Variants in CES5A observed in about 807,000 individuals in gnomAD.
CES5A encodes carboxylesterase 5.
CES5A carries 67 observed loss-of-function variants against 62.9 expected under a neutral mutation model. The observed-to-expected ratio is 1.07, with a 90% CI of 0.88 to 1.31. The LOEUF is 1.31. Among genes scored for constraint, CES5A ranks in the 50% most tolerant of loss-of-function variants. The probability of loss-of-function intolerance (pLI) is 0.00; values close to 1 mark genes in which losing one functional copy is unlikely to be tolerated. For missense variants in CES5A, 748 were observed against 708.5 expected (o/e 1.06, Z -0.63); for synonymous variants, 296 against 280.8 (o/e 1.05, Z -0.54).
intron 9 of CES5A, 53 bp from the exon 10 acceptor site, chr16:55,853,081 C>G: frequency 6.3e-7 from 1 of 1,574,856 alleles, no homozygotes; most frequent in African/African-American, 1.3e-5. Flanking sequence ...ATGGCCAACA[C>G]GTTAAACACT....
At chr16:55,936,410 T>C (rs1336924512) in intron 2 of CES5A, among the ~76,000 whole-genome samples, 1 of 152,234 alleles carries the variant, frequency 6.6e-6, no homozygotes, top group Non-Finnish European at 1.5e-5. Context: ...CCCAGTCAGA[T>C]ACTTCTCCTC....
intron 8 of CES5A, among the ~76,000 whole-genome samples, chr16:55,857,669 C>T (rs1335383200): frequency 6.6e-6 from 1 of 152,210 alleles, no homozygotes; most frequent in Admixed American, 6.5e-5. Flanking sequence ...ACTGCAAATT[C>T]ACATGGAATT....
At position 55,885,988 on chromosome 16, in the gene CES5A, C is replaced by T. The variant is rs56177087; in HGVS notation, c.-255-11951G>A. Among the ~76,000 whole-genome samples the T allele has an allele frequency of 3.8e-3, 580 of 152,340 alleles. 3 individuals are homozygous for T. The highest frequency in any genetic ancestry group is 8.1e-3 in the Admixed American group (124 of 15,312). ...ACATGGCTGACCCCACGTTGTCTCC[C>T]TCTACTGCACCAATGCTTCCCCTCA... is the stretch of plus-strand genomic sequence containing the variant. On this transcript the variant is annotated intron_variant, in intron 1 of 12. Transcript: ENST00000518005.
intron 2 of CES5A, among the ~76,000 whole-genome samples, chr16:55,948,352 G>A (rs2034519022): frequency 6.6e-6 from 1 of 152,154 alleles, no homozygotes; most frequent in Non-Finnish European, 1.5e-5. Context: ...AGGGGGCAGA[G>A]GAACAGTCAA....
chr16:55,872,705 G>A (rs182981284), intron 2 of CES5A, among the ~76,000 whole-genome samples: 9 of 152,166 alleles, frequency 5.9e-5, no homozygotes, highest in African/African-American at 1.9e-4. Flanking sequence ...TGTTGATCAG[G>A]CCTCAGCGCT....
chr16:55,871,345 G>C (rs1281119906), intron 3 of CES5A, among the ~76,000 whole-genome samples: 1 of 152,206 alleles, frequency 6.6e-6, no homozygotes, highest in African/African-American at 2.4e-5. Context: ...CTTTTAAGCA[G>C]TGTCTTTTCT....
upstream of CES5A, among the ~76,000 whole-genome samples, chr16:55,878,791 C>T (rs1336696387): frequency 6.7e-6 from 1 of 149,922 alleles, no homozygotes; most frequent in East Asian, 2.0e-4. Context: ...ACCATTAACC[C>T]ATCGCTGTAC....
intron 1 of CES5A, among the ~76,000 whole-genome samples, chr16:55,905,470 A>T (rs2034031623): frequency 1.3e-5 from 2 of 151,522 alleles, no homozygotes; most frequent in African/African-American, 4.9e-5. Flanking sequence ...AAGTTCAAAC[A>T]ATTCTCCTGC....
intron 9 of CES5A, 140 bp from the exon 10 acceptor site, chr16:55,853,168 T>A: frequency 1.2e-6 from 1 of 805,020 alleles, no homozygotes; most frequent in South Asian, 1.8e-5. Context: ...ATGATGCAAG[T>A]ATCAAAACTA....
At chr16:55,883,505 C>A (rs1201608146) in intron 1 of CES5A, among the ~76,000 whole-genome samples, 2 of 152,164 alleles carry the variant, frequency 1.3e-5, no homozygotes, top group Non-Finnish European at 2.9e-5. Flanking sequence ...GATGTCTTGA[C>A]CTCATGATCC....
At chr16:55,907,903 C>G (rs1185501761) in intron 1 of CES5A, among the ~76,000 whole-genome samples, 1 of 152,180 alleles carries the variant, frequency 6.6e-6, no homozygotes, top group African/African-American at 2.4e-5. Context: ...CATGGCAGGT[C>G]TGCTCCACAG....
At chr16:55,898,050 T>C (rs776710052) in intron 1 of CES5A, among the ~76,000 whole-genome samples, 1 of 152,222 alleles carries the variant, frequency 6.6e-6, no homozygotes, top group Admixed American at 6.5e-5. Flanking sequence ...GAAGTCAGAA[T>C]AGTGCTTGCC....
At chr16:55,891,704 G>C (rs1448882476) in intron 1 of CES5A, among the ~76,000 whole-genome samples, 1 of 152,152 alleles carries the variant, frequency 6.6e-6, no homozygotes, top group Non-Finnish European at 1.5e-5. Context: ...AGGCAGGTTT[G>C]CCTAAACAGT....
chr16:55,938,706 A>C (rs1290192111), intron 2 of CES5A, among the ~76,000 whole-genome samples: 1 of 122,350 alleles, frequency 8.2e-6, no homozygotes, highest in East Asian at 2.8e-4. Flanking sequence ...ACTGCACTCC[A>C]GCCTGGGGGA....
intron 2 of CES5A, among the ~76,000 whole-genome samples, chr16:55,932,468 G>A (rs548625633): frequency 1.4e-5 from 2 of 146,612 alleles, no homozygotes; most frequent in Admixed American, 1.4e-4. Flanking sequence ...AAATATGTTA[G>A]TTAGTTAGTT....
chr16:55,943,189 C>G (rs1215853142), intron 2 of CES5A, among the ~76,000 whole-genome samples: 1 of 152,148 alleles, frequency 6.6e-6, no homozygotes, highest in East Asian at 1.9e-4. Context: ...AAAAAGAAAC[C>G]ATTTATAAAT....
upstream of CES5A, among the ~76,000 whole-genome samples, chr16:55,878,308 C>G (rs1241938080): frequency 6.6e-6 from 1 of 152,016 alleles, no homozygotes; most frequent in African/African-American, 2.4e-5. Context: ...GCAGCTGCCT[C>G]AGGGTGGAAA....
At chr16:55,909,618 GAT>G (rs2034073197) in intron 1 of CES5A, among the ~76,000 whole-genome samples, 1 of 151,538 alleles carries the variant, frequency 6.6e-6, no homozygotes, top group East Asian at 1.9e-4. Context: ...AGAGGAACCT[GAT>G]CTCACCCTCT....
rs762610060 is a variant in CES5A at position 55,873,819 on chromosome 16, G to A, written c.278+14C>T. 3.7e-5 allele frequency: 60 copies of A among 1,607,236 alleles called. No individual in the cohort carries two copies. The highest frequency in any genetic ancestry group is 1.3e-4 in the African/African-American group (10 of 74,844). ...AGAGTCACAAACCACCCGTGGGCCC[G>A]AACCTGGTCTTACAAATTAGGGTAG... On this transcript the variant is annotated intron_variant, in intron 2 of 12. Coordinates refer to ENST00000290567, the MANE Select transcript of CES5A (RefSeq NM_001143685.2).
Sources: gnomAD v4.1 joint callset for allele counts (sites outside exome capture counted in the v4.1 genomes callset) on GRCh38, gnomAD v4.1.1 for gene constraint, MANE v1.5 for transcripts, NCBI Gene and HGNC (gene_info 2026-07-23, HGNC 2026-07-21) for gene names.